DSCAM: variants seen among roughly 807,000 people sequenced by gnomAD.
DSCAM encodes cell adhesion molecule DSCAM.
DSCAM carries 47 observed loss-of-function variants against 217.7 expected under a neutral mutation model. That is an observed-to-expected ratio of 0.22 (90% CI 0.17 to 0.28). The LOEUF is 0.28. Among genes scored for constraint, DSCAM ranks in the 10% least tolerant of loss-of-function variants. The probability of loss-of-function intolerance (pLI) is 1.00; values close to 1 mark genes in which losing one functional copy is unlikely to be tolerated. For missense variants in DSCAM, 2,080 were observed against 2,618.3 expected (o/e 0.79, Z 4.49); for synonymous variants, 1,056 against 1,015.3 (o/e 1.04, Z -0.76).
intron 18 of DSCAM, among the ~76,000 whole-genome samples, chr21:40,137,143 C>G (rs993221608): frequency 1.7e-4 from 24 of 145,146 alleles, no homozygotes; most frequent in Non-Finnish European, 2.8e-4. Flanking sequence ...CCACTGCACT[C>G]CAGCCTGGGC....
chr21:40,327,555 T>C (rs1357683301), intron 8 of DSCAM, among the ~76,000 whole-genome samples: 2 of 152,144 alleles, frequency 1.3e-5, no homozygotes, highest in African/African-American at 4.8e-5. Context: ...TCTTGCCTAA[T>C]TGCTTTGGCT....
chr21:40,188,197 A>G (rs1207562653), intron 12 of DSCAM, among the ~76,000 whole-genome samples: 4 of 152,196 alleles, frequency 2.6e-5, no homozygotes, highest in African/African-American at 9.6e-5. Flanking sequence ...CTGAGGACAA[A>G]TTATTTCAGT....
intron 32 of DSCAM, among the ~76,000 whole-genome samples, chr21:40,036,649 C>A (rs1313454518): frequency 1.7e-3 from 235 of 138,364 alleles, no homozygotes; most frequent in Middle Eastern, 3.5e-3. Flanking sequence ...AGAGGGAATC[C>A]TCCCTAACTC....
At chr21:40,227,432 C>T (rs1047909646) in intron 11 of DSCAM, among the ~76,000 whole-genome samples, 2 of 152,200 alleles carry the variant, frequency 1.3e-5, no homozygotes, top group African/African-American at 4.8e-5. Flanking sequence ...TGTCACAAGA[C>T]TGAGGCTGAT....
At chr21:40,463,957 C>G (rs1465266001) in intron 3 of DSCAM, among the ~76,000 whole-genome samples, 3 of 152,230 alleles carry the variant, frequency 2.0e-5, no homozygotes, top group Non-Finnish European at 2.9e-5. Context: ...AACCTCTCAC[C>G]TGATAAAATG....
chr21:40,107,907 G>A (rs1398643262), intron 20 of DSCAM, among the ~76,000 whole-genome samples: 1 of 151,824 alleles, frequency 6.6e-6, no homozygotes, highest in East Asian at 1.9e-4. Context: ...TTTATTTTGA[G>A]CCAATGTGAT....
chr21:40,767,436 A>G (rs1382850558), intron 1 of DSCAM, among the ~76,000 whole-genome samples: 5 of 152,224 alleles, frequency 3.3e-5, no homozygotes, highest in African/African-American at 4.8e-5. Flanking sequence ...CAGCTGCTGC[A>G]CTGAGCATTC....
chr21:40,578,280 G>A (rs1031873596), intron 3 of DSCAM, among the ~76,000 whole-genome samples: 2 of 152,162 alleles, frequency 1.3e-5, no homozygotes, highest in Non-Finnish European at 2.9e-5. Context: ...TGTAGCAATA[G>A]GAGGTGAAGT....
chr21:40,130,047 A>C (rs1740165252), intron 19 of DSCAM, among the ~76,000 whole-genome samples: 1 of 152,218 alleles, frequency 6.6e-6, no homozygotes, highest in Non-Finnish European at 1.5e-5. Flanking sequence ...CTTCAGAGTT[A>C]GGTGCATTAG....
intron 1 of DSCAM, among the ~76,000 whole-genome samples, chr21:40,843,790 C>CTTTTT (rs56383167): frequency 8.4e-6 from 1 of 118,986 alleles, no homozygotes; most frequent in African/African-American, 3.1e-5. Context: ...CTGACTTCTT[C>CTTTTT]TTTTTTTTTT....
intron 1 of DSCAM, among the ~76,000 whole-genome samples, chr21:40,756,446 C>T (rs2091277279): frequency 6.6e-6 from 1 of 152,162 alleles, no homozygotes; most frequent in Non-Finnish European, 1.5e-5. Context: ...AGCTGGAGTG[C>T]ATTGGCATGA....
intron 32 of DSCAM, among the ~76,000 whole-genome samples, chr21:40,020,067 C>G (rs1330711034): frequency 6.6e-6 from 1 of 152,064 alleles, no homozygotes; most frequent in Non-Finnish European, 1.5e-5. Context: ...CCCATAATTC[C>G]CATGTGTTGT....
At chr21:40,665,068 G>A (rs1272353084) in intron 3 of DSCAM, among the ~76,000 whole-genome samples, 1 of 152,212 alleles carries the variant, frequency 6.6e-6, no homozygotes, top group African/African-American at 2.4e-5. Flanking sequence ...ACCCTCACCA[G>A]AAGCTGAGCA....
At chr21:40,236,034 T>G (rs777073650) in intron 11 of DSCAM, among the ~76,000 whole-genome samples, 2 of 152,222 alleles carry the variant, frequency 1.3e-5, no homozygotes, top group Admixed American at 6.5e-5. Flanking sequence ...CACTGTGGGT[T>G]GGAAATAAAT....
chr21:40,843,573 C>A (rs2092120070), intron 1 of DSCAM, among the ~76,000 whole-genome samples: 1 of 152,072 alleles, frequency 6.6e-6, no homozygotes, highest in Non-Finnish European at 1.5e-5. Flanking sequence ...AAACACAATG[C>A]AGTAGGAAGC....
intron 1 of DSCAM, among the ~76,000 whole-genome samples, chr21:40,727,822 G>C (rs1180929417): frequency 1.3e-5 from 2 of 152,124 alleles, no homozygotes; most frequent in African/African-American, 2.4e-5. Flanking sequence ...TCTTCCTACA[G>C]GATCCATCCT....
intron 3 of DSCAM, among the ~76,000 whole-genome samples, chr21:40,374,426 G>T (rs2074929967): frequency 6.6e-6 from 1 of 152,148 alleles, no homozygotes; most frequent in Non-Finnish European, 1.5e-5. Context: ...CATCTGAGTG[G>T]TAATGATGTA....
Position 40,531,357 on chromosome 21 carries a change from G to A in DSCAM, c.508+161453C>T, listed in dbSNP as rs555483465. Among the ~76,000 whole-genome samples, 4 of 152,274 alleles carry A rather than the reference G, an allele frequency of 2.6e-5. No homozygotes were observed. The South Asian group carries it at 8.3e-4, about 32-fold the overall frequency. ...CCTGTCTCATTCTTCATTCACCCCT[G>A]TCTCCGTTTACCTGTCCTTTCTTAT... On this transcript the variant is annotated intron_variant, in intron 3 of 32. Transcript: ENST00000400454.
intron 3 of DSCAM, among the ~76,000 whole-genome samples, chr21:40,586,416 T>C (rs1482394438): frequency 6.6e-6 from 1 of 151,974 alleles, no homozygotes; most frequent in Non-Finnish European, 1.5e-5. Context: ...AGAGACAGAG[T>C]TGATTAAGGA....
Sources: allele counts gnomAD v4.1 joint callset (sites outside exome capture counted in the v4.1 genomes callset), GRCh38; gene constraint gnomAD v4.1.1; transcripts MANE v1.5; gene names NCBI Gene and HGNC (gene_info 2026-07-23, HGNC 2026-07-21).